TYW1: variants seen among roughly 807,000 people sequenced by gnomAD.
TYW1 encodes tRNA-yW synthesizing protein 1 homolog, also known as S-adenosyl-L-methionine-dependent tRNA 4-demethylwyosine synthase TYW1.
Under a neutral mutation model 96.2 loss-of-function variants are expected in TYW1, and 46 were observed. The ratio of observed to expected loss-of-function variants is 0.48; its 90% CI spans 0.38 to 0.61. TYW1 has a LOEUF of 0.61. TYW1 is among the 20% of genes least tolerant of loss of function. The probability of loss-of-function intolerance (pLI) is 0.00; values close to 1 mark genes in which losing one functional copy is unlikely to be tolerated. For missense variants in TYW1, 684 were observed against 909.6 expected (o/e 0.75, Z 3.19); for synonymous variants, 274 against 323.0 (o/e 0.85, Z 1.63).
chr7:67,068,718 C>T (rs3845175), intron 10 of TYW1, among the ~76,000 whole-genome samples: 50,185 of 151,980 alleles, frequency 0.33, 8,740 homozygotes, highest in African/African-American at 0.44. Flanking sequence ...TTAAATACTT[C>T]ATCTCCAGTC....
intron 13 of TYW1, among the ~76,000 whole-genome samples, chr7:67,120,405 G>C (rs1797727098): frequency 6.6e-6 from 1 of 152,112 alleles, no homozygotes; most frequent in South Asian, 2.1e-4. Flanking sequence ...GAATGAATGG[G>C]TGGAAACTCA....
chr7:67,058,033 C>T (rs972753077), intron 9 of TYW1, among the ~76,000 whole-genome samples: 3 of 152,088 alleles, frequency 2.0e-5, no homozygotes, highest in African/African-American at 7.2e-5. Flanking sequence ...CTCCCGGGTT[C>T]ACGCCATTCT....
chr7:67,010,688 G>T (rs562690265), intron 4 of TYW1, among the ~76,000 whole-genome samples: 17 of 151,972 alleles, frequency 1.1e-4, no homozygotes, highest in African/African-American at 4.1e-4. Flanking sequence ...TGTTCGCCAG[G>T]ATGGTCTCAA....
At chr7:67,091,495 G>A (rs775864283) in intron 11 of TYW1, among the ~76,000 whole-genome samples, 72 of 152,190 alleles carry the variant, frequency 4.7e-4, no homozygotes, top group South Asian at 1.7e-3. Context: ...GCACGCCAAC[G>A]TGGCACATGT....
At chr7:67,105,886 C>CTT (rs11330425) in intron 12 of TYW1, among the ~76,000 whole-genome samples, 849 of 61,418 alleles carry the variant, frequency 0.014, 10 homozygotes, top group Non-Finnish European at 0.017. Context: ...AGAGAATATT[C>CTT]TTTTTTTTTT....
intron 13 of TYW1, among the ~76,000 whole-genome samples, chr7:67,129,845 C>G (rs944348343): frequency 6.6e-6 from 1 of 152,114 alleles, no homozygotes; most frequent in Non-Finnish European, 1.5e-5. Context: ...TTTTCTGGTT[C>G]TTTCCTAGCC....
chr7:67,006,610 T>C (rs1253773940), intron 3 of TYW1, among the ~76,000 whole-genome samples: 1 of 151,882 alleles, frequency 6.6e-6, no homozygotes, highest in Non-Finnish European at 1.5e-5. Context: ...AGCTAATTTT[T>C]TGTATTTTTG....
chr7:67,113,904 G>T (rs1318591654), intron 12 of TYW1, among the ~76,000 whole-genome samples: 2 of 152,096 alleles, frequency 1.3e-5, no homozygotes, highest in Non-Finnish European at 2.9e-5. Flanking sequence ...CTCCCAAAGT[G>T]TTGGGATTAC....
intron 15 of TYW1, among the ~76,000 whole-genome samples, chr7:67,237,366 G>A (rs1335156701): frequency 6.6e-6 from 1 of 152,074 alleles, no homozygotes; most frequent in Non-Finnish European, 1.5e-5. Flanking sequence ...CAGGTGTGCT[G>A]GCAGGAGCCA....
intron 13 of TYW1, among the ~76,000 whole-genome samples, chr7:67,156,403 G>A (rs1798977617): frequency 6.6e-6 from 1 of 152,238 alleles, no homozygotes; most frequent in South Asian, 2.1e-4. Flanking sequence ...TTCATGCCCA[G>A]AGAAACCACG....
intron 13 of TYW1, among the ~76,000 whole-genome samples, chr7:67,128,799 C>T (rs207468007): frequency 6.6e-6 from 1 of 151,744 alleles, no homozygotes; most frequent in East Asian, 1.9e-4. Context: ...AGCAATTCTC[C>T]TGCCTCAGCC....
intron 13 of TYW1, among the ~76,000 whole-genome samples, chr7:67,162,571 T>C (rs1799194889): frequency 6.6e-6 from 1 of 152,180 alleles, no homozygotes; most frequent in African/African-American, 2.4e-5. Context: ...ATAATTTGGC[T>C]GTCTTAAATA....
chr7:67,172,621 C>T (rs1435279233), intron 13 of TYW1, among the ~76,000 whole-genome samples: 2 of 152,060 alleles, frequency 1.3e-5, no homozygotes, highest in African/African-American at 2.4e-5. Context: ...CTGCATTTCA[C>T]CATGTTGGCC....
intron 13 of TYW1, among the ~76,000 whole-genome samples, chr7:67,177,600 A>G (rs1318889214): frequency 6.6e-6 from 1 of 152,240 alleles, no homozygotes; most frequent in Non-Finnish European, 1.5e-5. Flanking sequence ...ATAGCCAGAA[A>G]ACATATGAAC....
intron 13 of TYW1, among the ~76,000 whole-genome samples, chr7:67,177,318 A>C (rs1224971789): frequency 1.3e-5 from 2 of 151,946 alleles, no homozygotes; most frequent in African/African-American, 4.8e-5. Context: ...TGATCCGTTA[A>C]AGAGACACAA....
chr7:67,011,920 CT>C (rs1324554506), intron 4 of TYW1, among the ~76,000 whole-genome samples: 2 of 151,190 alleles, frequency 1.3e-5, no homozygotes, highest in Admixed American at 6.6e-5. Context: ...GGTTGACAAA[CT>C]TTCACGTGAA....
chr7:67,210,910 A>C (rs1169910094), intron 15 of TYW1, among the ~76,000 whole-genome samples: 1 of 147,700 alleles, frequency 6.8e-6, no homozygotes, highest in Non-Finnish European at 1.5e-5. Flanking sequence ...CTGTCCATCC[A>C]TCTATCCAAC....
chr7:67,226,121 C>T (rs1801553916), intron 15 of TYW1, among the ~76,000 whole-genome samples: 1 of 152,176 alleles, frequency 6.6e-6, no homozygotes, highest in Non-Finnish European at 1.5e-5. Context: ...CTCACCTAAC[C>T]GACTGCATCT....
intron 15 of TYW1, among the ~76,000 whole-genome samples, chr7:67,222,094 G>T (rs138786392): frequency 1.3e-5 from 2 of 152,096 alleles, no homozygotes; most frequent in African/African-American, 4.8e-5. Flanking sequence ...ATACTCGGGA[G>T]GCTGAGGCAC....
Sources: gnomAD v4.1 joint callset for allele counts (sites outside exome capture counted in the v4.1 genomes callset) on GRCh38, gnomAD v4.1.1 for gene constraint, MANE v1.5 for transcripts, NCBI Gene and HGNC (gene_info 2026-07-23, HGNC 2026-07-21) for gene names.